SEMA6D: variants seen among roughly 807,000 people sequenced by gnomAD.
SEMA6D encodes the protein semaphorin-6D.
SEMA6D carries 35 observed loss-of-function variants against 106.6 expected under a neutral mutation model. That is an observed-to-expected ratio of 0.33 (90% CI 0.25 to 0.44). SEMA6D has a LOEUF of 0.44. Among genes scored for constraint, SEMA6D ranks in the 20% least tolerant of loss-of-function variants. The pLI, the probability that SEMA6D is intolerant of heterozygous loss-of-function variation, is 1.00. For missense variants in SEMA6D, 1,185 were observed against 1,345.9 expected (o/e 0.88, Z 1.87); for synonymous variants, 499 against 487.7 (o/e 1.02, Z -0.31).
At chr15:47,704,400 G>A (rs1281515319) in intron 4 of SEMA6D, among the ~76,000 whole-genome samples, 1 of 152,098 alleles carries the variant, frequency 6.6e-6, no homozygotes, top group African/African-American at 2.4e-5. Flanking sequence ...AGTTTTTGCT[G>A]CCAATCTCAG....
intron 3 of SEMA6D, among the ~76,000 whole-genome samples, chr15:47,514,763 G>A (rs1324859847): frequency 1.3e-5 from 2 of 152,080 alleles, no homozygotes; most frequent in Non-Finnish European, 2.9e-5. Context: ...ACTTGAAAAA[G>A]CTTTCAGTGG....
intron 3 of SEMA6D, among the ~76,000 whole-genome samples, chr15:47,535,020 G>T (rs1322909997): frequency 6.9e-6 from 1 of 144,416 alleles, no homozygotes; most frequent in Non-Finnish European, 1.5e-5. Context: ...CAATACCAGA[G>T]AATTTCAGGA....
chr15:47,565,675 G>C (rs1440494900), intron 3 of SEMA6D, among the ~76,000 whole-genome samples: 1 of 152,172 alleles, frequency 6.6e-6, no homozygotes, highest in Admixed American at 6.5e-5. Context: ...TTCTGGGGTG[G>C]GGAGGAATTA....
intron 1 of SEMA6D, among the ~76,000 whole-genome samples, chr15:47,737,862 T>A (rs1439077013): frequency 6.6e-6 from 1 of 152,156 alleles, no homozygotes; most frequent in African/African-American, 2.4e-5. Context: ...CATTGCCAAA[T>A]TATTTTCTAA....
chr15:47,337,936 ACTC>A (rs1432609199), intron 1 of SEMA6D, among the ~76,000 whole-genome samples: 1 of 152,150 alleles, frequency 6.6e-6, no homozygotes, highest in Non-Finnish European at 1.5e-5. Context: ...TTCCCCCAGA[ACTC>A]CTAAGGACCT....
At chr15:47,568,450 A>G (rs1431742835) in intron 3 of SEMA6D, among the ~76,000 whole-genome samples, 3 of 152,126 alleles carry the variant, frequency 2.0e-5, no homozygotes, top group Admixed American at 2.0e-4. Context: ...TTTACAAGCA[A>G]TTCTATATAT....
chr15:47,638,531 ATGTT>A (rs2077431785), intron 4 of SEMA6D, among the ~76,000 whole-genome samples: 1 of 152,220 alleles, frequency 6.6e-6, no homozygotes, highest in South Asian at 2.1e-4. Context: ...CTCTTGAACA[ATGTT>A]TGACAATAAT....
intron 1 of SEMA6D, among the ~76,000 whole-genome samples, chr15:47,253,052 G>C (rs1434445594): frequency 6.6e-6 from 1 of 151,894 alleles, no homozygotes; most frequent in Non-Finnish European, 1.5e-5. Flanking sequence ...ATTCTCACCA[G>C]CATCCATTAT....
chr15:47,723,040 C>T (rs537063444), intron 1 of SEMA6D, among the ~76,000 whole-genome samples: 5 of 152,212 alleles, frequency 3.3e-5, no homozygotes, highest in East Asian at 1.9e-4. Flanking sequence ...ACCACTGCAC[C>T]GGATTGCTTC....
At chr15:47,210,849 G>A (rs904636751) in intron 1 of SEMA6D, among the ~76,000 whole-genome samples, 3 of 150,442 alleles carry the variant, frequency 2.0e-5, no homozygotes, top group Non-Finnish European at 4.4e-5. Context: ...ACCTTTCATC[G>A]GTAATACTAA....
intron 2 of SEMA6D, among the ~76,000 whole-genome samples, chr15:47,465,594 T>A (rs1380977722): frequency 6.6e-6 from 1 of 152,154 alleles, no homozygotes; most frequent in Non-Finnish European, 1.5e-5. Flanking sequence ...GGGGGCGGAC[T>A]TTTTCCTTGC....
intron 1 of SEMA6D, among the ~76,000 whole-genome samples, chr15:47,249,442 A>G (rs1177437415): frequency 1.4e-5 from 2 of 142,078 alleles, no homozygotes; most frequent in African/African-American, 5.4e-5. Flanking sequence ...AAACAAAATC[A>G]TGTTTTTTTT....
intron 1 of SEMA6D, among the ~76,000 whole-genome samples, chr15:47,403,340 A>G (rs1223287191): frequency 6.6e-6 from 1 of 152,218 alleles, no homozygotes; most frequent in Non-Finnish European, 1.5e-5. Context: ...TGCCATGCAG[A>G]CACACATGCA....
At chr15:47,611,879 C>T (rs2076912842) in intron 4 of SEMA6D, among the ~76,000 whole-genome samples, 1 of 152,106 alleles carries the variant, frequency 6.6e-6, no homozygotes, top group Non-Finnish European at 1.5e-5. Context: ...GAAGTGGAGC[C>T]AGTGCCCGAT....
intron 3 of SEMA6D, among the ~76,000 whole-genome samples, chr15:47,564,167 C>G (rs1316258462): frequency 1.3e-5 from 2 of 152,228 alleles, no homozygotes; most frequent in Non-Finnish European, 2.9e-5. Context: ...AATGCCCATG[C>G]AAGCTCCTCT....
chr15:47,602,424 G>T lies in SEMA6D; in HGVS notation c.-55+1528G>T, dbSNP rs180883271. Among the ~76,000 whole-genome samples the T allele has an allele frequency of 1.1e-4, 16 of 152,234 alleles. No homozygotes were observed. The East Asian group carries it at 1.7e-3, about 17-fold the overall frequency. ...GACTAAATCCAGGCTTTGGGATAAGGATGTGATTAGAATTCTGAGAATTTT... is the reference window on the plus strand; with the variant it reads ...GACTAAATCCAGGCTTTGGGATAAGTATGTGATTAGAATTCTGAGAATTTT... On this transcript the variant is annotated intron_variant, in intron 4 of 19. Coordinates refer to the SEMA6D transcript ENST00000558014.
At chr15:47,586,117 G>A (rs1384078666) in intron 3 of SEMA6D, among the ~76,000 whole-genome samples, 1 of 152,144 alleles carries the variant, frequency 6.6e-6, no homozygotes, top group East Asian at 1.9e-4. Flanking sequence ...AATAATAAGA[G>A]ACACTTACTT....
intron 1 of SEMA6D, among the ~76,000 whole-genome samples, chr15:47,223,800 G>A (rs763440570): frequency 6.6e-6 from 1 of 151,984 alleles, no homozygotes; most frequent in African/African-American, 2.4e-5. Flanking sequence ...TGAATTTATG[G>A]TACATATATT....
intron 4 of SEMA6D, among the ~76,000 whole-genome samples, chr15:47,692,775 G>A (rs535910977): frequency 6.4e-4 from 98 of 152,210 alleles, no homozygotes; most frequent in African/African-American, 4.3e-4. Context: ...GTTGTGTAGC[G>A]ATGACCCTGG....
Sources: gnomAD v4.1 joint callset for allele counts (sites outside exome capture counted in the v4.1 genomes callset) on GRCh38, gnomAD v4.1.1 for gene constraint, MANE v1.5 for transcripts, NCBI Gene and HGNC (gene_info 2026-07-23, HGNC 2026-07-21) for gene names.